Variants in LYPD5 observed in about 807,000 individuals in gnomAD.
LYPD5 encodes the protein ly6/PLAUR domain-containing protein 5.
Under a neutral mutation model 19.1 loss-of-function variants are expected in LYPD5, and 21 were observed. The ratio of observed to expected loss-of-function variants is 1.10; its 90% CI spans 0.78 to 1.58. LYPD5 has a LOEUF of 1.58. Among genes scored for constraint, LYPD5 ranks in the 40% most tolerant of loss-of-function variants. The pLI, the probability that LYPD5 is intolerant of heterozygous loss-of-function variation, is 0.00. For synonymous variants in LYPD5, 128 were observed against 142.7 expected (o/e 0.90, Z 0.74); for missense variants, 287 against 329.8 (o/e 0.87, Z 1.00).
upstream of LYPD5, among the ~76,000 whole-genome samples, chr19:43,806,971 C>G (rs556202371): frequency 1.3e-5 from 2 of 152,272 alleles, no homozygotes; most frequent in Non-Finnish European, 2.9e-5. Context: ...TTTCACTTAG[C>G]ATAATGTCCC....
upstream of LYPD5, among the ~76,000 whole-genome samples, chr19:43,804,668 A>C (rs777703490): frequency 1.1e-4 from 17 of 151,992 alleles, no homozygotes; most frequent in Non-Finnish European, 1.9e-4. Flanking sequence ...ATCAGGCCTC[A>C]CTTCCCAGAA....
At chr19:43,798,688 G>A in intron 3 of LYPD5, 87 bp from the exon 4 acceptor site, 1 of 1,588,170 alleles carries the variant, frequency 6.3e-7, no homozygotes, top group Non-Finnish European at 8.6e-7. Flanking sequence ...CCCGCGCCTA[G>A]CACGTCTCGG....
chr19:43,813,029 C>T (rs79290438), intron 1 of LYPD5, among the ~76,000 whole-genome samples: 118 of 152,320 alleles, frequency 7.7e-4, no homozygotes, highest in Admixed American at 1.7e-3. Context: ...AATCAAGTCC[C>T]ACCTCCGACC....
intron 1 of LYPD5, among the ~76,000 whole-genome samples, chr19:43,812,955 C>T (rs981206820): frequency 6.6e-6 from 1 of 152,204 alleles, no homozygotes; most frequent in Admixed American, 6.5e-5. Flanking sequence ...TGGAAAGCTG[C>T]TTCCACCCAG....
intron 1 of LYPD5, among the ~76,000 whole-genome samples, chr19:43,817,482 A>G (rs1053503646): frequency 4.6e-5 from 7 of 152,216 alleles, no homozygotes; most frequent in South Asian, 2.1e-4. Context: ...GTTGCAAAGA[A>G]TATACACACA....
In LYPD5 at chr19:43,796,788, T is replaced by A. The variant is rs550350923; in HGVS notation, c.*803A>T. 6.6e-6 allele frequency: 1 copy of A among 152,370 alleles called. No homozygotes were observed. The highest frequency in any genetic ancestry group is 1.5e-5 in the Non-Finnish European group (1 of 68,042). 9.4% of individuals were successfully genotyped at this position (152,370 alleles called of 1,614,324 possible). A position where few individuals can be genotyped will look rare whatever the true frequency, so the allele number is the denominator to read the frequency against. ...CTTATGACAAGTAGCCCATTTACAC[T>A]GGGCCACTGCTGTGTCCCAAGTACT... On this transcript the variant is annotated 3_prime_UTR_variant, in exon 5 of 5. Coordinates refer to ENST00000377950, the MANE Select transcript of LYPD5 (RefSeq NM_001031749.3).
At chr19:43,815,552 G>C (rs367811157) in intron 1 of LYPD5, among the ~76,000 whole-genome samples, 10 of 151,588 alleles carry the variant, frequency 6.6e-5, no homozygotes, top group African/African-American at 2.4e-4. Flanking sequence ...TCCAGCCTGG[G>C]CAATAGAGCA....
chr19:43,805,201 T>C (rs1970260960), upstream of LYPD5, among the ~76,000 whole-genome samples: 1 of 152,214 alleles, frequency 6.6e-6, no homozygotes, highest in Non-Finnish European at 1.5e-5. Flanking sequence ...TTTTTTCATA[T>C]TTGATTTTCA....
At chr19:43,813,848 C>T (rs1218614131) in intron 1 of LYPD5, among the ~76,000 whole-genome samples, 3 of 152,038 alleles carry the variant, frequency 2.0e-5, no homozygotes, top group East Asian at 1.9e-4. Context: ...CCACCAAGCC[C>T]GGCTAATTTT....
chr19:43,799,553 TTTTC>T (rs1599693442), intron 2 of LYPD5, among the ~76,000 whole-genome samples, 149 bp downstream of exon 2: 1 of 152,164 alleles, frequency 6.6e-6, no homozygotes, highest in Admixed American at 6.5e-5. Context: ...TCATCCACCC[TTTTC>T]TTTTTCTTCC....
chr19:43,799,788 G>C lies in LYPD5; in HGVS notation c.111C>G (p.Gly37=), dbSNP rs377339530. 6.2e-7 allele frequency: 1 copy of C among 1,613,694 alleles called. No homozygotes were observed. The highest frequency in any genetic ancestry group is 1.1e-5 in the South Asian group (1 of 90,980). Reference sequence around the variant, plus strand: ...GCTTCATGGCCCTGAGGTCAAAGGGGCCAAAGTAGGTGTGCTCAAAGCTGT... The same window carrying C: ...GCTTCATGGCCCTGAGGTCAAAGGGCCCAAAGTAGGTGTGCTCAAAGCTGT... ...QCYSFEHTYF[G]PFDLRAMKLP... The change falls in exon 2 of 5, where the codon GGC becomes GGG. Residue 37 remains glycine, a synonymous_variant. Transcript: ENST00000377950.
At chr19:43,801,935 G>A (rs138552319) in intron 1 of LYPD5, among the ~76,000 whole-genome samples, 136 of 152,294 alleles carry the variant, frequency 8.9e-4, no homozygotes, top group Middle Eastern at 3.4e-3. Context: ...TGCCAGTTTC[G>A]GAAAGAGTCC....
Position 43,797,313 on chromosome 19 carries a change from T to C in LYPD5, c.*278A>G. The C allele has an allele frequency of 2.4e-6, 1 of 417,428 alleles. No individual in the cohort carries two copies. The highest frequency in any genetic ancestry group is 4.3e-6 in the Non-Finnish European group (1 of 232,438). The allele number at this position is 417,428 out of a possible 1,614,324, so 25.9% of individuals were successfully genotyped here. ...GCCGTGTTATGGGGTGCCTGGTGCC[T>C]GGCTGGTGCTCAGTGAGTAACAGCT... is the stretch of plus-strand genomic sequence containing the variant. On this transcript the variant is annotated 3_prime_UTR_variant, in exon 5 of 5. Transcript: ENST00000377950.
chr19:43,800,404 GT>G (rs1970207153), intron 1 of LYPD5, among the ~76,000 whole-genome samples: 2 of 152,278 alleles, frequency 1.3e-5, no homozygotes, highest in East Asian at 3.9e-4. Context: ...CACAAAACAA[GT>G]ACGCATCTGG....
chr19:43,815,936 G>T (rs1260381478), intron 1 of LYPD5, among the ~76,000 whole-genome samples: 1 of 152,014 alleles, frequency 6.6e-6, no homozygotes, highest in African/African-American at 2.4e-5. Context: ...GTTTCACCAT[G>T]TTGGCCAGGC....
At chr19:43,813,849 G>A (rs775706105) in intron 1 of LYPD5, among the ~76,000 whole-genome samples, 3 of 152,044 alleles carry the variant, frequency 2.0e-5, no homozygotes, top group Admixed American at 6.6e-5. Flanking sequence ...CACCAAGCCC[G>A]GCTAATTTTT....
At position 43,819,808 on chromosome 19, in the gene LYPD5, C is replaced by T. The variant is rs145061977; in HGVS notation, c.-66+732G>A. ...TTTCTCCAGCTAGCGGAAAGTGTAGCTCATTTCCTCAATGTTACTTTCTGT... is the reference window on the plus strand; with the variant it reads ...TTTCTCCAGCTAGCGGAAAGTGTAGTTCATTTCCTCAATGTTACTTTCTGT... On this transcript the variant is annotated intron_variant, in intron 1 of 4. Transcript: ENST00000414615. 2.5e-3 allele frequency among the ~76,000 whole-genome samples: 378 copies of T among 152,266 alleles called. 2 individuals carry two copies. The highest frequency in any genetic ancestry group is 8.5e-3 in the African/African-American group (352 of 41,542).
intron 2 of LYPD5, 144 bp from the exon 3 acceptor site, chr19:43,799,132 CT>C (rs890574241): frequency 1.2e-4 from 115 of 931,360 alleles, no homozygotes; most frequent in Non-Finnish European, 1.7e-4. Flanking sequence ...ACCCCCAGAC[CT>C]TTTCCCCCGA....
At position 43,809,212 on chromosome 19, in the gene LYPD5, G is replaced by A. The variant is rs370052086; in HGVS notation, c.-65-9378C>T. 4.9e-4 allele frequency among the ~76,000 whole-genome samples: 74 copies of A among 151,548 alleles called. 1 individual carries two copies. The East Asian group carries it at 0.012, about 25-fold the overall frequency. Reference sequence around the variant, plus strand: ...CCGCCACTACACCCGGCTAATTTTTGCATTTTTAGTAGAGACTTGGTTTCA... The same window carrying A: ...CCGCCACTACACCCGGCTAATTTTTACATTTTTAGTAGAGACTTGGTTTCA... On this transcript the variant is annotated intron_variant, in intron 1 of 4. Coordinates refer to the LYPD5 transcript ENST00000414615.
Sources: allele counts gnomAD v4.1 joint callset (sites outside exome capture counted in the v4.1 genomes callset), GRCh38; gene constraint gnomAD v4.1.1; transcripts MANE v1.5; gene names NCBI Gene and HGNC (gene_info 2026-07-23, HGNC 2026-07-21).